ABL1: variants seen among roughly 807,000 people sequenced by gnomAD.
ABL1 encodes the protein ABL proto-oncogene 1, non-receptor tyrosine kinase.
Under a neutral mutation model 94.7 loss-of-function variants are expected in ABL1, and 11 were observed. That is an observed-to-expected ratio of 0.12 (90% CI 0.07 to 0.19). The LOEUF is 0.19. Ranked by LOEUF, ABL1 falls within the 10% of genes least tolerant of loss-of-function variation. The probability of loss-of-function intolerance (pLI) is 1.00; values close to 1 mark genes in which losing one functional copy is unlikely to be tolerated. For synonymous variants in ABL1, 656 were observed against 622.4 expected, an observed-to-expected ratio of 1.05 and a Z score of -0.80; for missense variants, 1,082 against 1,489.4, an observed-to-expected ratio of 0.73 and a Z score of 4.50.
In ABL1 at chr9:130,875,006, C is replaced by G; in HGVS notation, c.1224C>G (p.Pro408=). Residue 408 remains proline, a synonymous_variant, in exon 7 of 11, where the codon CCC becomes CCG. Coordinates refer to ENST00000318560, the MANE Select transcript of ABL1 (RefSeq NM_005157.6). ...AGTTCCCCATCAAATGGACTGCACCCGAGAGCCTGGCCTACAACAAGTTCT... is the reference window on the plus strand; with the variant it reads ...AGTTCCCCATCAAATGGACTGCACCGGAGAGCCTGGCCTACAACAAGTTCT... ...GAKFPIKWTA[P]ESLAYNKFSI... 1.9e-6 allele frequency: 3 copies of G among 1,614,194 alleles called. No homozygotes were observed. Among genetic ancestry groups the G allele is most frequent in the Non-Finnish European group, 2.5e-6 (3 of 1,180,040 alleles).
chr9:130,719,759 T>G (rs765684513), intron 1 of ABL1, among the ~76,000 whole-genome samples: 17 of 152,206 alleles, frequency 1.1e-4, no homozygotes, highest in Admixed American at 5.2e-4. Flanking sequence ...AATATCCATG[T>G]AGGTTAGATT....
intron 3 of ABL1, among the ~76,000 whole-genome samples, chr9:130,856,876 C>T (rs183688782): frequency 6.6e-6 from 1 of 152,288 alleles, no homozygotes; most frequent in South Asian, 2.1e-4. Context: ...TAGTCCCCTG[C>T]TGGTTGACTT....
intron 1 of ABL1, among the ~76,000 whole-genome samples, chr9:130,789,896 T>TA (rs1156329434): frequency 2.6e-5 from 4 of 152,180 alleles, no homozygotes; most frequent in Non-Finnish European, 5.9e-5. Context: ...CAAAGGGATG[T>TA]AAACCACGAG....
chr9:130,868,731 G>A (rs1316414630), intron 4 of ABL1, among the ~76,000 whole-genome samples: 1 of 151,868 alleles, frequency 6.6e-6, no homozygotes, highest in African/African-American at 2.4e-5. Context: ...ATGTGGCCAG[G>A]CTGGTCTCGA....
At chr9:130,876,595 A>G (rs1831348153) in intron 7 of ABL1, among the ~76,000 whole-genome samples, 1 of 150,114 alleles carries the variant, frequency 6.7e-6, no homozygotes, top group Non-Finnish European at 1.5e-5. Context: ...ATTTTTTTGT[A>G]TTTTTAGTAA....
intron 1 of ABL1, among the ~76,000 whole-genome samples, chr9:130,765,870 C>T (rs753866566): frequency 6.6e-6 from 1 of 152,190 alleles, no homozygotes; most frequent in Non-Finnish European, 1.5e-5. Context: ...TGGCAATGAC[C>T]AAACTAATCA....
chr9:130,803,336 C>A (rs992235612), intron 1 of ABL1, among the ~76,000 whole-genome samples: 4 of 152,204 alleles, frequency 2.6e-5, no homozygotes, highest in Non-Finnish European at 2.9e-5. Flanking sequence ...CTGCGCCCAG[C>A]CGGCTCTCTT....
At position 130,862,702 on chromosome 9, in the gene ABL1, A is replaced by C. The variant is rs548204394; in HGVS notation, c.550-61A>C. The stretch of plus-strand genomic sequence containing the variant: ...AATTAAGGCTCAGCCAAACTGGCTC[A>C]CGTGAGCTCTTTGAGCTTGCCTGTC... On this transcript the variant is annotated intron_variant, in intron 3 of 10. Coordinates refer to ENST00000318560, the MANE Select transcript of ABL1 (RefSeq NM_005157.6). This position sits in a 1 kb window ranked among gnomAD's most constrained non-coding sequence, Gnocchi z 5.5. The C allele has an allele frequency of 1.0e-5, 16 of 1,571,094 alleles. No homozygotes were observed. The Admixed American group carries it at 2.9e-4, about 28-fold the overall frequency.
At chr9:130,756,297 T>C (rs1038502565) in intron 1 of ABL1, among the ~76,000 whole-genome samples, 1 of 151,660 alleles carries the variant, frequency 6.6e-6, no homozygotes, top group African/African-American at 2.4e-5. Context: ...GCTCTGCCTC[T>C]TGGGCTTCCT....
chr9:130,799,856 A>G (rs1300544237), intron 1 of ABL1, among the ~76,000 whole-genome samples: 1 of 151,364 alleles, frequency 6.6e-6, no homozygotes, highest in East Asian at 1.9e-4. Context: ...TTATTTATAA[A>G]TTTTGGGATA....
Position 130,886,676 on chromosome 9 carries a change from C to T in ABL1, c.*993C>T, listed in dbSNP as rs556595473. The stretch of plus-strand genomic sequence containing the variant: ...CCCTGAAAGGGCCCTTCCCCTCCCC[C>T]ACTCCTCTAAGACAAAGTAGATTCT... On this transcript the variant is annotated 3_prime_UTR_variant, in exon 11 of 11. Transcript: ENST00000318560. The T allele has an allele frequency of 1.7e-5, 4 of 233,652 alleles. No homozygotes were observed. The highest frequency in any genetic ancestry group is 2.5e-5 in the Non-Finnish European group (3 of 118,088). 14.5% of individuals were successfully genotyped at this position (233,652 alleles called of 1,614,324 possible).
chr9:130,855,225 GT>G, intron 3 of ABL1, 129 bp downstream of exon 3: 2 of 1,094,520 alleles, frequency 1.8e-6, no homozygotes, highest in Non-Finnish European at 2.6e-6. Flanking sequence ...TCAGGTGGGA[GT>G]CATTCCATTA....
chr9:130,744,577 G>A lies in ABL1; in HGVS notation c.136+30122G>A, dbSNP rs1188033632. 2.0e-5 allele frequency among the ~76,000 whole-genome samples: 3 copies of A among 151,126 alleles called. 1 individual carries two copies. The highest frequency in any genetic ancestry group is 7.3e-5 in the African/African-American group (3 of 41,188). ...GGATAAAACTGTCTTTTCTGGCCAG[G>A]CGCAGTGGCTCACGCCTGTAATCCC... On this transcript the variant is annotated intron_variant, in intron 1 of 10. Coordinates refer to the ABL1 transcript ENST00000372348.
intron 1 of ABL1, among the ~76,000 whole-genome samples, chr9:130,818,479 TA>T (rs1474314237): frequency 4.6e-5 from 7 of 152,168 alleles, no homozygotes; most frequent in African/African-American, 1.7e-4. Context: ...CAAAAAAAAA[TA>T]AAATAAAATT....
At chr9:130,878,681 G>C in intron 8 of ABL1, 114 bp downstream of exon 8, 1 of 1,288,860 alleles carries the variant, frequency 7.8e-7, no homozygotes, top group Non-Finnish European at 1.1e-6. Context: ...CTCCATTCCA[G>C]TTCTTCAGAT....
At chr9:130,773,742 A>G (rs908219094) in intron 1 of ABL1, among the ~76,000 whole-genome samples, 4 of 151,698 alleles carry the variant, frequency 2.6e-5, no homozygotes, top group Non-Finnish European at 4.4e-5. Flanking sequence ...CAGCCTCCCA[A>G]AATGCTGGGA....
Position 130,884,094 on chromosome 9 carries a change from G to A in ABL1, c.1804G>A (p.Ala602Thr), listed in dbSNP as rs755568851. The A allele has an allele frequency of 1.1e-5, 18 of 1,613,726 alleles. No homozygotes were observed. The Admixed American group carries it at 1.7e-4, about 15-fold the overall frequency. Residue 602 changes from alanine (A) to threonine (T), a missense_variant, in exon 11 of 11, where the codon GCC becomes ACC. Transcript: ENST00000318560. This position sits in a 1 kb window ranked among gnomAD's most constrained non-coding sequence, Gnocchi z 5.6. ...PKDKKTNLFS[A>T]LIKKKKKTAP... ...AGACAAAAAGACCAACTTGTTCAGC[G>A]CCTTGATCAAGAAGAAGAAGAAGAC...
At chr9:130,864,726 G>A (rs774854079) in intron 4 of ABL1, among the ~76,000 whole-genome samples, 4 of 152,208 alleles carry the variant, frequency 2.6e-5, no homozygotes, top group Admixed American at 6.5e-5. Context: ...ACCACCAGGG[G>A]GTGAACGAAG....
chr9:130,752,445 C>A (rs1158746867), intron 1 of ABL1, among the ~76,000 whole-genome samples: 1 of 152,106 alleles, frequency 6.6e-6, no homozygotes, highest in Non-Finnish European at 1.5e-5. Context: ...TGAAGTAGCC[C>A]AAACATGCTT....
Sources: gnomAD v4.1 joint callset for allele counts (sites outside exome capture counted in the v4.1 genomes callset) on GRCh38, gnomAD v4.1.1 for gene constraint, Gnocchi (gnomAD v3.1) non-coding constraint, MANE v1.5 for transcripts, NCBI Gene and HGNC (gene_info 2026-07-23, HGNC 2026-07-21) for gene names.